Variants in SHISA7 observed in about 807,000 individuals in gnomAD.
SHISA7 encodes the protein shisa family member 7, also known as protein shisa-7.
SHISA7 carries 6 observed loss-of-function variants against 23.9 expected under a neutral mutation model. That is an observed-to-expected ratio of 0.25 (90% CI 0.14 to 0.50). The LOEUF is 0.50. Among genes scored for constraint, SHISA7 ranks in the 20% least tolerant of loss-of-function variants. The pLI, the probability that SHISA7 is intolerant of heterozygous loss-of-function variation, is 0.98. For missense variants in SHISA7, 671 were observed against 801.1 expected, an observed-to-expected ratio of 0.84 and a Z score of 1.96; for synonymous variants, 386 against 398.3, an observed-to-expected ratio of 0.97 and a Z score of 0.37.
intron 2 of SHISA7, among the ~76,000 whole-genome samples, chr19:55,439,932 A>G (rs966015522): frequency 8.6e-5 from 13 of 151,788 alleles, no homozygotes; most frequent in Non-Finnish European, 1.8e-4. Context: ...AGCTCCTTGG[A>G]CCTCTCCACT....
Position 55,433,564 on chromosome 19 carries a change from C to T in SHISA7, c.1209G>A (p.Pro403=), listed in dbSNP as rs1186601696. The change falls in exon 4 of 4, where the codon CCG becomes CCA. Residue 403 remains proline (P), a synonymous_variant. Coordinates refer to ENST00000376325, the MANE Select transcript of SHISA7 (RefSeq NM_001145176.2). The surrounding 1 kb of genome is among the most constrained non-coding windows in gnomAD (Gnocchi z 8.4). ...GGRSRYEFTL[P]RARLVSQEHL... The stretch of plus-strand genomic sequence containing the variant: ...GCTCCTGCGACACCAGGCGCGCGCG[C>T]GGCAGCGTGAACTCGTAGCGCGAAC... 2 of 1,495,758 alleles carry T rather than the reference C, an allele frequency of 1.3e-6. No homozygotes were observed. The highest frequency in any genetic ancestry group is 5.7e-5 in the East Asian group (2 of 35,018). 92.7% of individuals were successfully genotyped at this position (1,495,758 alleles called of 1,614,324 possible).
At chr19:55,439,975 TC>T (rs1568452702) in intron 2 of SHISA7, among the ~76,000 whole-genome samples, 1 of 151,020 alleles carries the variant, frequency 6.6e-6, no homozygotes, top group Non-Finnish European at 1.5e-5. Flanking sequence ...ATAATATAGA[TC>T]ATATTTAAAT....
In SHISA7 at chr19:55,433,541, T is replaced by C. The variant is rs1354011076; in HGVS notation, c.1232A>G (p.Glu411Gly). The C allele has an allele frequency of 2.0e-6, 3 of 1,492,234 alleles. No homozygotes were observed. The highest frequency in any genetic ancestry group is 2.2e-5 in the Admixed American group (1 of 45,090). The allele number at this position is 1,492,234 out of a possible 1,614,324, so 92.4% of individuals were successfully genotyped here. A position where few individuals can be genotyped will look rare whatever the true frequency, so the allele number is the denominator to read the frequency against. ...TLPRARLVSQEHLLLSSPEAL... is the reference protein window; with the variant it reads ...TLPRARLVSQGHLLLSSPEAL... ...CTCGGGCGAGGACAGCAGCAGGTGCTCCTGCGACACCAGGCGCGCGCGCGG... is the reference window on the plus strand; with the variant it reads ...CTCGGGCGAGGACAGCAGCAGGTGCCCCTGCGACACCAGGCGCGCGCGCGG... The change falls in exon 4 of 4, where the codon GAG becomes GGG. Residue 411 changes from glutamate (E) to glycine (G), a missense_variant. Physicochemically the swap from Glu to Gly is moderately conservative, Grantham distance 98. Coordinates refer to ENST00000376325, the MANE Select transcript of SHISA7 (RefSeq NM_001145176.2). The surrounding 1 kb of genome is among the most constrained non-coding windows in gnomAD (Gnocchi z 8.4).
intron 1 of SHISA7, 63 bp from the exon 2 acceptor site, chr19:55,440,828 G>T: frequency 8.2e-7 from 1 of 1,218,006 alleles, no homozygotes; most frequent in South Asian, 4.2e-5. Flanking sequence ...TACCAGGAAG[G>T]CTTCTTTCCG....
At chr19:55,441,296 C>G (rs2123357855) in intron 1 of SHISA7, among the ~76,000 whole-genome samples, 1 of 152,302 alleles carries the variant, frequency 6.6e-6, no homozygotes, top group African/African-American at 2.4e-5. Context: ...CCCACCCTAG[C>G]CCCGTACACT....
At chr19:55,438,412 G>A (rs1405050064) in intron 2 of SHISA7, 3 of 610,104 alleles carry the variant, frequency 4.9e-6, no homozygotes, top group Non-Finnish European at 7.5e-6. Flanking sequence ...GGCTCACTTG[G>A]TGACCTGGCC....
Position 55,431,155 on chromosome 19 carries a change from T to C in SHISA7, c.*2001A>G, listed in dbSNP as rs1985192841. Reference sequence around the variant, plus strand: ...AGTGGCACATGTTTGAATGAAATCCTGGGAGGTGGTGGCACATGGTTGAAG... The same window carrying C: ...AGTGGCACATGTTTGAATGAAATCCCGGGAGGTGGTGGCACATGGTTGAAG... On this transcript the variant is annotated 3_prime_UTR_variant, in exon 4 of 4. Transcript: ENST00000376325. 1 of 152,154 alleles carries C rather than the reference T, an allele frequency of 6.6e-6. No homozygotes were observed. Among genetic ancestry groups the C allele is most frequent in the East Asian group, 1.9e-4 (1 of 5,190 alleles). The allele number at this position is 152,154 out of a possible 1,614,324, so 9.4% of individuals were successfully genotyped here.
intron 2 of SHISA7, among the ~76,000 whole-genome samples, chr19:55,440,023 A>G (rs953926263): frequency 1.7e-4 from 25 of 150,480 alleles, no homozygotes; most frequent in Admixed American, 4.6e-4. Context: ...CATATTTTAA[A>G]TATATAATTA....
chr19:55,434,575 T>C (rs1440351411), intron 3 of SHISA7, among the ~76,000 whole-genome samples: 1 of 88,820 alleles, frequency 1.1e-5, no homozygotes, highest in Non-Finnish European at 2.3e-5. Context: ...TGTGTGTGTA[T>C]GGTGTGTGTG....
In SHISA7 at chr19:55,433,147, G is replaced by C. The variant is rs1343312098; in HGVS notation, c.*9C>G. 4.0e-6 allele frequency: 6 copies of C among 1,517,018 alleles called. No homozygotes were observed. In the African/African-American group the frequency reaches 8.6e-5, roughly 22 times the overall value. 94.0% of individuals were successfully genotyped at this position (1,517,018 alleles called of 1,614,324 possible). ...GGGAGGCCGCAGCCCCCCAGACCCG[G>C]CCCTGGCCTCAGACAGTCACCTCGT... On this transcript the variant is annotated 3_prime_UTR_variant, in exon 4 of 4. Transcript: ENST00000376325. The surrounding 1 kb of genome is among the most constrained non-coding windows in gnomAD (Gnocchi z 8.4).
chr19:55,440,599 C>T lies in SHISA7; in HGVS notation c.826+12G>A. On this transcript the variant is annotated intron_variant, in intron 2 of 3. Transcript: ENST00000376325. ...GAGACGGAGGCTGCGCCGGATCCCA[C>T]GTTCCACTCACCGAGGTTGGGGGTC... 1 of 1,249,640 alleles carries T rather than the reference C, an allele frequency of 8.0e-7. No homozygotes were observed. Among genetic ancestry groups the T allele is most frequent in the Non-Finnish European group, 1.0e-6 (1 of 988,156 alleles). The allele number at this position is 1,249,640 out of a possible 1,614,324, so 77.4% of individuals were successfully genotyped here.
chr19:55,438,636 C>A (rs1225763035), intron 2 of SHISA7: 1 of 1,304,126 alleles, frequency 7.7e-7, no homozygotes, highest in South Asian at 1.2e-5. Context: ...TCTGGGGGGA[C>A]CGAGAAGGGA....
Position 55,433,261 on chromosome 19 carries a change from C to T in SHISA7, c.1512G>A (p.Arg504=), listed in dbSNP as rs951855524. 9 of 1,519,634 alleles carry T rather than the reference C, an allele frequency of 5.9e-6. No individual in the cohort carries two copies. The highest frequency in any genetic ancestry group is 7.9e-6 in the Non-Finnish European group (9 of 1,140,424). The allele number at this position is 1,519,634 out of a possible 1,614,324, so 94.1% of individuals were successfully genotyped here. The change falls in exon 4 of 4, where the codon AGG becomes AGA. Residue 504 remains arginine, a synonymous_variant. Coordinates refer to ENST00000376325, the MANE Select transcript of SHISA7 (RefSeq NM_001145176.2). The surrounding 1 kb of genome is among the most constrained non-coding windows in gnomAD (Gnocchi z 8.4). ...AGGGGGTLAR[R]PPFQRQGTLE... ...GCGTGCCCTGGCGCTGGAAGGGCGG[C>T]CTGCGGGCCAGTGTGCCCCCGCCCC...
At chr19:55,438,740 C>G in intron 2 of SHISA7, 1 of 734,760 alleles carries the variant, frequency 1.4e-6, no homozygotes, top group Non-Finnish European at 2.1e-6. Flanking sequence ...ACATGCAGGA[C>G]CTCGTTAGAG....
intron 2 of SHISA7, 33 bp from the exon 3 acceptor site, chr19:55,437,787 A>G (rs1482717105): frequency 3.9e-6 from 6 of 1,536,332 alleles, no homozygotes; most frequent in Non-Finnish European, 5.3e-6. Context: ...AGGGTCAGTC[A>G]GCTTCCTCCC....
rs1482355381 is a variant in SHISA7, at chr19:55,437,708, C to A, written c.873G>T (p.Thr291=). The change falls in exon 3 of 4, where the codon ACG becomes ACT. Residue 291 remains threonine, a synonymous_variant. Transcript: ENST00000376325. ...PPPSPSLHYS[T]LSCSRSFHNL... The stretch of plus-strand genomic sequence containing the variant: ...TGTGGAAGGACCGAGAGCAGGACAG[C>A]GTGGAGTAGTGCAAGGAGGGGCTGG... The A allele has an allele frequency of 1.2e-5, 19 of 1,551,218 alleles. No individual in the cohort carries two copies. Among genetic ancestry groups the A allele is most frequent in the African/African-American group, 2.7e-5 (2 of 73,028 alleles).
chr19:55,437,806 A>G (rs918283370), intron 2 of SHISA7, 52 bp from the exon 3 acceptor site: 34 of 1,517,682 alleles, frequency 2.2e-5, no homozygotes, highest in Non-Finnish European at 2.7e-5. Context: ...CCTCAGACCC[A>G]GGAGTCCAGG....
At chr19:55,436,168 T>A (rs1042873438) in intron 3 of SHISA7, among the ~76,000 whole-genome samples, 2 of 151,016 alleles carry the variant, frequency 1.3e-5, no homozygotes, top group Admixed American at 1.3e-4. Context: ...GTGCCTGTAA[T>A]CCCAGCTACT....
chr19:55,440,498 G>T, intron 2 of SHISA7, 113 bp downstream of exon 2: 1 of 1,007,088 alleles, frequency 9.9e-7, no homozygotes, highest in Non-Finnish European at 1.3e-6. Context: ...CGGGCGTAGG[G>T]GGTGAGGGCG....
Sources: gnomAD v4.1 joint callset for allele counts (sites outside exome capture counted in the v4.1 genomes callset) on GRCh38, gnomAD v4.1.1 for gene constraint, Gnocchi (gnomAD v3.1) non-coding constraint, MANE v1.5 for transcripts, NCBI Gene and HGNC (gene_info 2026-07-23, HGNC 2026-07-21) for gene names.